Variants in ANO10 observed in about 807,000 individuals in gnomAD.
ANO10 encodes anoctamin 10.
ANO10 carries 77 observed loss-of-function variants against 74.7 expected under a neutral mutation model. That is an observed-to-expected ratio of 1.03 (90% CI 0.86 to 1.25). ANO10 has a LOEUF of 1.25. Ranked by LOEUF, ANO10 falls within the 50% of genes most tolerant of loss-of-function variation. The pLI is 0.00. For missense variants in ANO10, 721 were observed against 778.1 expected (o/e 0.93, Z 0.87); for synonymous variants, 279 against 284.9 (o/e 0.98, Z 0.21).
chr3:43,472,886 G>A (rs952157021), intron 11 of ANO10, among the ~76,000 whole-genome samples: 1 of 152,120 alleles, frequency 6.6e-6, no homozygotes, highest in Non-Finnish European at 1.5e-5. Flanking sequence ...CTTTCAAGAA[G>A]TTCATTTTTT....
intron 1 of ANO10, among the ~76,000 whole-genome samples, chr3:43,667,422 A>G (rs2084005761): frequency 2.0e-5 from 3 of 152,182 alleles, no homozygotes; most frequent in Non-Finnish European, 1.5e-5. Context: ...TAGTTACACT[A>G]TTGTTTTTTA....
intron 12 of ANO10, chr3:43,424,483 C>G (rs182530829): frequency 7.2e-5 from 11 of 152,318 alleles, no homozygotes; most frequent in Admixed American, 7.2e-4. Flanking sequence ...CTGCAGATAA[C>G]ATGTAGAATC....
intron 1 of ANO10, among the ~76,000 whole-genome samples, chr3:43,636,083 A>G (rs2083607214): frequency 1.3e-5 from 2 of 152,198 alleles, no homozygotes. Flanking sequence ...CCCCGGAAGC[A>G]GACCCTGAAA....
At chr3:43,450,231 C>A (rs538522804) in intron 11 of ANO10, among the ~76,000 whole-genome samples, 5 of 152,010 alleles carry the variant, frequency 3.3e-5, no homozygotes, top group Non-Finnish European at 7.4e-5. Context: ...AAAATCTGAG[C>A]CCTGACGGCT....
intron 11 of ANO10, among the ~76,000 whole-genome samples, chr3:43,477,267 T>C (rs2076100930): frequency 1.3e-5 from 2 of 152,188 alleles, no homozygotes; most frequent in African/African-American, 4.8e-5. Flanking sequence ...ATCAAAGGTA[T>C]TGTAGTGGAT....
intron 1 of ANO10, among the ~76,000 whole-genome samples, chr3:43,680,315 C>A (rs1369515671): frequency 6.6e-6 from 1 of 152,054 alleles, no homozygotes; most frequent in Non-Finnish European, 1.5e-5. Flanking sequence ...CCAATTTGAT[C>A]AACTGGAAGA....
chr3:43,665,294 T>C (rs1253077229), intron 1 of ANO10, among the ~76,000 whole-genome samples: 3 of 152,102 alleles, frequency 2.0e-5, no homozygotes, highest in Non-Finnish European at 2.9e-5. Flanking sequence ...AGACATCACA[T>C]GTTCTTACTC....
chr3:43,672,781 C>A (rs1479351228), intron 1 of ANO10, among the ~76,000 whole-genome samples: 27 of 152,126 alleles, frequency 1.8e-4, no homozygotes, highest in Non-Finnish European at 1.5e-5. Context: ...TCCTTTGTAA[C>A]TTTCCTACAT....
intron 12 of ANO10, among the ~76,000 whole-genome samples, chr3:43,400,444 G>T (rs934279625): frequency 6.6e-6 from 1 of 151,934 alleles, no homozygotes; most frequent in Non-Finnish European, 1.5e-5. Flanking sequence ...TGGCTTTCTG[G>T]GTCTCATTCC....
intron 11 of ANO10, among the ~76,000 whole-genome samples, chr3:43,532,055 T>C (rs1299535974): frequency 3.3e-5 from 5 of 152,234 alleles, no homozygotes; most frequent in African/African-American, 1.2e-4. Flanking sequence ...CAGCCCTATG[T>C]ATGACATCAA....
chr3:43,442,884 G>C (rs1484786374), intron 11 of ANO10, among the ~76,000 whole-genome samples: 1 of 152,222 alleles, frequency 6.6e-6, no homozygotes, highest in Non-Finnish European at 1.5e-5. Flanking sequence ...GGTATAGATT[G>C]TATAGAAAGA....
chr3:43,565,767 T>C (rs766480604), intron 7 of ANO10, 40 bp from the exon 8 acceptor site: 2 of 1,528,454 alleles, frequency 1.3e-6, no homozygotes, highest in African/African-American at 2.8e-5. Flanking sequence ...TGTTAAGCAC[T>C]GCTTTAGAGT....
At chr3:43,379,109 G>A (rs747294124) in intron 12 of ANO10, among the ~76,000 whole-genome samples, 10 of 152,066 alleles carry the variant, frequency 6.6e-5, no homozygotes, top group Admixed American at 2.6e-4. Flanking sequence ...GAGCACACAC[G>A]GCAGCCAGTC....
intron 12 of ANO10, among the ~76,000 whole-genome samples, chr3:43,422,305 CG>C (rs1243771942): frequency 1.3e-5 from 2 of 151,982 alleles, no homozygotes; most frequent in Non-Finnish European, 2.9e-5. Context: ...TCAGTAGAGA[CG>C]GGGTTTCACC....
At chr3:43,526,974 C>T (rs1043051865) in intron 11 of ANO10, among the ~76,000 whole-genome samples, 3 of 151,550 alleles carry the variant, frequency 2.0e-5, no homozygotes. Context: ...CATATATATA[C>T]ACACACACAT....
chr3:43,585,110 A>C (rs1019398784), intron 4 of ANO10, among the ~76,000 whole-genome samples: 1 of 152,222 alleles, frequency 6.6e-6, no homozygotes, highest in African/African-American at 2.4e-5. Context: ...TTAATTATGC[A>C]TATACCACTT....
intron 8 of ANO10, 144 bp downstream of exon 8, chr3:43,565,509 T>G: frequency 1.3e-6 from 1 of 769,006 alleles, no homozygotes; most frequent in Non-Finnish European, 2.1e-6. Context: ...CCTAATAATT[T>G]TTTATTTAGA....
At chr3:43,566,837 A>G (rs1416895483) in intron 7 of ANO10, among the ~76,000 whole-genome samples, 2 of 152,254 alleles carry the variant, frequency 1.3e-5, no homozygotes, top group Non-Finnish European at 2.9e-5. Flanking sequence ...GATGGAGAAT[A>G]ACTTTGACGA....
chr3:43,486,350 A>G (rs2076489335), intron 11 of ANO10, among the ~76,000 whole-genome samples: 1 of 151,958 alleles, frequency 6.6e-6, no homozygotes, highest in Non-Finnish European at 1.5e-5. Flanking sequence ...GAAGAAAGGC[A>G]TTGGTAGCTT....
Sources: allele counts gnomAD v4.1 joint callset (sites outside exome capture counted in the v4.1 genomes callset), GRCh38; gene constraint gnomAD v4.1.1; transcripts MANE v1.5; gene names NCBI Gene and HGNC (gene_info 2026-07-23, HGNC 2026-07-21).